The following CLEC2A variants were observed in gnomAD, a reference collection of about 807,000 sequenced individuals.
The protein encoded by CLEC2A is C-type lectin domain family 2 member A.
In CLEC2A, 19 loss-of-function variants were observed where a neutral mutation model predicts 18.6. That is an observed-to-expected ratio of 1.02 (90% CI 0.71 to 1.50). The LOEUF (loss-of-function observed/expected upper bound fraction) is 1.50. Among genes scored for constraint, CLEC2A ranks in the 40% most tolerant of loss-of-function variants. CLEC2A has a pLI of 0.00. For synonymous variants in CLEC2A, 74 were observed against 64.0 expected, an observed-to-expected ratio of 1.16 and a Z score of -0.75; for missense variants, 190 against 207.9, an observed-to-expected ratio of 0.91 and a Z score of 0.53.
chr12:9,901,867 T>C (rs1261581155), intron 4 of CLEC2A, among the ~76,000 whole-genome samples: 2 of 149,392 alleles, frequency 1.3e-5, no homozygotes, highest in East Asian at 2.0e-4. Context: ...TAGGAAAACC[T>C]TGTTATGATT....
At position 9,902,216 on chromosome 12, in the gene CLEC2A, T is replaced by G. The variant is rs139116913; in HGVS notation, c.411-3240A>C. Among the ~76,000 whole-genome samples, 284 of 151,450 alleles carry G rather than the reference T, an allele frequency of 1.9e-3. 4 individuals are homozygous for G. Among genetic ancestry groups the G allele is most frequent in the African/African-American group, 6.5e-3 (267 of 41,200 alleles). On this transcript the variant is annotated intron_variant, in intron 4 of 4. Transcript: ENST00000339766. ...TAAGTTACTTTAATTGAGTGCTAAGTGTAGCCAAGGTTTGCCATTTTTTTT... is the reference window on the plus strand; with the variant it reads ...TAAGTTACTTTAATTGAGTGCTAAGGGTAGCCAAGGTTTGCCATTTTTTTT...
downstream of CLEC2A, chr12:9,898,629 T>G (rs1046464378): frequency 2.8e-6 from 1 of 357,394 alleles, no homozygotes. Flanking sequence ...TCATAATAAA[T>G]GGAACAGCTA....
intron 3 of CLEC2A, among the ~76,000 whole-genome samples, chr12:9,920,479 A>C (rs1392966768): frequency 6.6e-6 from 1 of 152,090 alleles, no homozygotes; most frequent in Non-Finnish European, 1.5e-5. Context: ...ACATTCACTC[A>C]CCACTTCCCT....
chr12:9,905,459 T>C (rs946866780), intron 4 of CLEC2A, among the ~76,000 whole-genome samples: 8 of 152,122 alleles, frequency 5.3e-5, no homozygotes, highest in Admixed American at 5.2e-4. Flanking sequence ...TTTTGAGGAA[T>C]TGGTCTTTAG....
the CLEC2A span, chr12:9,893,479 A>G: frequency 2.0e-6 from 3 of 1,522,950 alleles, no homozygotes; most frequent in Non-Finnish European, 2.6e-6. Context: ...GGATTGGACT[A>G]TATGTTACAT....
chr12:9,918,304 A>G (rs981676543), intron 3 of CLEC2A, among the ~76,000 whole-genome samples: 3 of 152,278 alleles, frequency 2.0e-5, no homozygotes, highest in African/African-American at 7.2e-5. Flanking sequence ...TCTTGCTTCA[A>G]TCCTTTGCAT....
At chr12:9,914,748 A>G (rs536533456) in intron 4 of CLEC2A, among the ~76,000 whole-genome samples, 11 of 152,310 alleles carry the variant, frequency 7.2e-5, no homozygotes, top group Admixed American at 2.6e-4. Context: ...TAAAACCCCA[A>G]ACCATAAAAC....
At chr12:9,903,455 G>C (rs957715234) in intron 4 of CLEC2A, among the ~76,000 whole-genome samples, 1 of 152,166 alleles carries the variant, frequency 6.6e-6, no homozygotes, top group African/African-American at 2.4e-5. Flanking sequence ...AATTAGTGAA[G>C]GGATCATTTA....
chr12:9,892,578 T>G, the CLEC2A span, among the ~76,000 whole-genome samples: 315 of 133,296 alleles, frequency 2.4e-3, 3 homozygotes, highest in African/African-American at 8.1e-3. Context: ...TTTACAGAAC[T>G]GCTTTTTTTT....
At chr12:9,916,961 G>A (rs1863082335) in intron 3 of CLEC2A, among the ~76,000 whole-genome samples, 158 bp from the exon 4 acceptor site, 1 of 151,860 alleles carries the variant, frequency 6.6e-6, no homozygotes, top group Non-Finnish European at 1.5e-5. Flanking sequence ...TTGATGTTTG[G>A]GTTAGTTTTA....
chr12:9,881,172 T>A, the CLEC2A span, among the ~76,000 whole-genome samples: 1 of 152,358 alleles, frequency 6.6e-6, no homozygotes, highest in Non-Finnish European at 1.5e-5. Flanking sequence ...TTAACTTTTT[T>A]AATTTGAATT....
chr12:9,896,526 C>T (rs376300947), downstream of CLEC2A, among the ~76,000 whole-genome samples: 6 of 151,520 alleles, frequency 4.0e-5, no homozygotes, highest in African/African-American at 1.4e-4. Context: ...TTAACACTGC[C>T]TATTCTTTTT....
chr12:9,887,955 C>T, the CLEC2A span, among the ~76,000 whole-genome samples: 1 of 148,788 alleles, frequency 6.7e-6, no homozygotes, highest in East Asian at 2.0e-4. Flanking sequence ...ACTTGGGAAG[C>T]TGAGGCAAGA....
the CLEC2A span, among the ~76,000 whole-genome samples, chr12:9,892,666 C>T: frequency 6.8e-6 from 1 of 146,012 alleles, no homozygotes; most frequent in African/African-American, 2.5e-5. Context: ...CTCACCGCAA[C>T]CTCCACCTCC....
chr12:9,926,336 C>T lies in CLEC2A; in HGVS notation c.63G>A (p.Lys21=), dbSNP rs775801107. The change falls in exon 2 of 5, where the codon AAG becomes AAA. Residue 21 remains lysine, a synonymous_variant. Transcript: ENST00000455827. ...GGCCAATCTTCCAGTTTTGTATCAACTTGGGAACTGCAAATTAAATCAACA... is the reference window on the plus strand; with the variant it reads ...GGCCAATCTTCCAGTTTTGTATCAATTTGGGAACTGCAAATTAAATCAACA... ...ADGFIHRIVP[K]LIQNWKIGLM... 28 of 1,544,668 alleles carry T rather than the reference C, an allele frequency of 1.8e-5. No homozygotes were observed. The South Asian group carries it at 3.2e-4, about 18-fold the overall frequency.
chr12:9,898,984 C>G, intron 4 of CLEC2A: 1 of 712,592 alleles, frequency 1.4e-6, no homozygotes, highest in Non-Finnish European at 2.6e-6. Flanking sequence ...GGCCTGAAAG[C>G]AAGAACAGAC....
intron 2 of CLEC2A, 118 bp downstream of exon 2, chr12:9,926,142 A>T (rs746892006): frequency 1.2e-5 from 7 of 565,046 alleles, no homozygotes; most frequent in African/African-American, 1.9e-5. Context: ...TTTGAGGACA[A>T]GTGTCTATAA....
chr12:9,893,509 G>A, the CLEC2A span: 3 of 1,513,426 alleles, frequency 2.0e-6, no homozygotes, highest in South Asian at 2.4e-5. Context: ...ACCTATGGAT[G>A]TGGATAGATG....
chr12:9,910,751 C>A (rs1862972356), downstream of CLEC2A, among the ~76,000 whole-genome samples: 2 of 152,114 alleles, frequency 1.3e-5, no homozygotes, highest in Admixed American at 1.3e-4. Flanking sequence ...CCTTTCCACC[C>A]ACGTTGCTGA....
Sources: gnomAD v4.1 joint callset for allele counts (sites outside exome capture counted in the v4.1 genomes callset) on GRCh38, gnomAD v4.1.1 for gene constraint, MANE v1.5 for transcripts, NCBI Gene and HGNC (gene_info 2026-07-23, HGNC 2026-07-21) for gene names.